The following ESCO1 variants were observed in gnomAD, a reference collection of about 807,000 sequenced individuals.
ESCO1 encodes N-acetyltransferase ESCO1.
ESCO1 carries 33 observed loss-of-function variants against 83.5 expected under a neutral mutation model. That is an observed-to-expected ratio of 0.40 (90% CI 0.30 to 0.53). The LOEUF is 0.53. ESCO1 is among the 20% of genes least tolerant of loss of function. The pLI is 0.63. For missense variants in ESCO1, 855 were observed against 968.0 expected, an observed-to-expected ratio of 0.88 and a Z score of 1.55; for synonymous variants, 332 against 324.3, an observed-to-expected ratio of 1.02 and a Z score of -0.25.
Position 21,574,583 on chromosome 18 carries a change from C to CTCACA in ESCO1, c.260_261insTGTGA (p.Thr89ArgfsTer2). On this transcript the variant is annotated frameshift_variant, in exon 4 of 12. Coordinates refer to ENST00000269214, the MANE Select transcript of ESCO1 (RefSeq NM_052911.3). LOFTEE classifies it high-confidence loss of function. ...CTTGTGAATATCCCCTCACAGTCAC[C>CTCACA]GTATTTTTATTAATGGATTTAGTAG... is the stretch of plus-strand genomic sequence containing the variant. The CTCACA allele has an allele frequency of 6.2e-7, 1 of 1,613,928 alleles. No individual in the cohort carries two copies. Among genetic ancestry groups the CTCACA allele is most frequent in the Non-Finnish European group, 8.5e-7 (1 of 1,179,966 alleles).
At chr18:21,571,274 G>A (rs2038338230) in intron 4 of ESCO1, among the ~76,000 whole-genome samples, 1 of 151,778 alleles carries the variant, frequency 6.6e-6, no homozygotes. Context: ...TGCAGCCTCC[G>A]CCTCCCAGGT....
intron 8 of ESCO1, 74 bp from the exon 9 acceptor site, chr18:21,540,083 C>A: frequency 3.2e-6 from 4 of 1,263,224 alleles, no homozygotes; most frequent in Non-Finnish European, 4.3e-6. Context: ...ATTATATCCA[C>A]GTACAAGATA....
chr18:21,587,265 T>TAC (rs1293063990), intron 1 of ESCO1, among the ~76,000 whole-genome samples: 3 of 152,190 alleles, frequency 2.0e-5, no homozygotes, highest in African/African-American at 7.2e-5. Context: ...ACTAAGGCAA[T>TAC]ACCAGCCTCA....
chr18:21,560,690 T>C (rs2038172307), intron 8 of ESCO1, among the ~76,000 whole-genome samples, 169 bp downstream of exon 8: 1 of 152,218 alleles, frequency 6.6e-6, no homozygotes, highest in Non-Finnish European at 1.5e-5. Flanking sequence ...GGTTTTTATG[T>C]TTGGCTTTGT....
intron 2 of ESCO1, among the ~76,000 whole-genome samples, chr18:21,577,361 T>TTA (rs1555671991): frequency 0.088 from 4,686 of 53,014 alleles, 265 homozygotes; most frequent in Non-Finnish European, 0.14. Flanking sequence ...CCATCTTTTT[T>TTA]AAAAAAAAAA....
At chr18:21,590,370 C>T (rs557010236) in intron 1 of ESCO1, among the ~76,000 whole-genome samples, 8 of 151,720 alleles carry the variant, frequency 5.3e-5, no homozygotes, top group Admixed American at 1.3e-4. Context: ...TACAGGCACG[C>T]GCCACCACAC....
At chr18:21,568,167 C>T in intron 4 of ESCO1, 73 bp from the exon 5 acceptor site, 1 of 1,128,206 alleles carries the variant, frequency 8.9e-7, no homozygotes, top group Non-Finnish European at 1.3e-6. Flanking sequence ...TAAATTTTAG[C>T]ATACTAAAAA....
chr18:21,593,405 C>G (rs1451139962), intron 1 of ESCO1: 2 of 156,368 alleles, frequency 1.3e-5, no homozygotes, highest in African/African-American at 4.8e-5. Context: ...CCAGCCAACA[C>G]AGCGAAACCC....
At chr18:21,591,199 G>A (rs577436153) in intron 1 of ESCO1, among the ~76,000 whole-genome samples, 1 of 152,304 alleles carries the variant, frequency 6.6e-6, no homozygotes, top group African/African-American at 2.4e-5. Flanking sequence ...TTGTAAGAGA[G>A]TGGCACAGAT....
intron 3 of ESCO1, 40 bp downstream of exon 3, chr18:21,575,632 G>A (rs1425806004): frequency 7.5e-6 from 3 of 398,142 alleles, no homozygotes; most frequent in Non-Finnish European, 8.9e-6. Context: ...CATAAGCATA[G>A]AATAGTTGAA....
intron 6 of ESCO1, among the ~76,000 whole-genome samples, chr18:21,565,348 T>C (rs1180099153): frequency 6.6e-6 from 1 of 152,202 alleles, no homozygotes; most frequent in Non-Finnish European, 1.5e-5. Flanking sequence ...GCTTTTAATC[T>C]TACTTAAACA....
At chr18:21,536,367 A>G (rs954131529) in intron 9 of ESCO1, among the ~76,000 whole-genome samples, 182 bp from the exon 10 acceptor site, 1 of 152,062 alleles carries the variant, frequency 6.6e-6, no homozygotes, top group Admixed American at 6.6e-5. Context: ...AGGCGGGTGG[A>G]TTGCCTGAGC....
At chr18:21,555,028 G>A (rs545952386) in intron 8 of ESCO1, among the ~76,000 whole-genome samples, 2 of 152,118 alleles carry the variant, frequency 1.3e-5, no homozygotes, top group African/African-American at 4.8e-5. Context: ...CCCGGGAAAC[G>A]GAGGTTGCAG....
chr18:21,580,943 T>C (rs9965284), intron 2 of ESCO1, among the ~76,000 whole-genome samples: 1,600 of 152,156 alleles, frequency 0.011, 34 homozygotes, highest in African/African-American at 0.036. Flanking sequence ...TAAGCTGAGA[T>C]CGCGCCATTG....
intron 8 of ESCO1, among the ~76,000 whole-genome samples, chr18:21,554,451 G>A (rs2038086841): frequency 6.6e-6 from 1 of 152,106 alleles, no homozygotes. Flanking sequence ...GCGCTAAAAA[G>A]AAACGGGCTT....
chr18:21,576,727 G>A lies in ESCO1; in HGVS notation c.-693-950C>T, dbSNP rs1241318362. On this transcript the variant is annotated intron_variant, in intron 2 of 11. Transcript: ENST00000269214. The stretch of plus-strand genomic sequence containing the variant: ...AATTGGCAGTATCAGACTCCATAGA[G>A]ATGCGGATGAAAATAGGACTCAAAA... Among the ~76,000 whole-genome samples the A allele has an allele frequency of 2.0e-5, 3 of 152,034 alleles. No homozygotes were observed. The East Asian group carries it at 5.8e-4, about 29-fold the overall frequency.
intron 8 of ESCO1, among the ~76,000 whole-genome samples, chr18:21,552,975 ATT>A (rs938903469): frequency 4.6e-5 from 7 of 152,350 alleles, no homozygotes; most frequent in African/African-American, 1.7e-4. Context: ...CTTCATTAAA[ATT>A]TAAAATGTCT....
At position 21,564,834 on chromosome 18, in the gene ESCO1, C is replaced by T. The variant is rs181321979; in HGVS notation, c.1707-517G>A. Among the ~76,000 whole-genome samples, 196 of 152,034 alleles carry T rather than the reference C, an allele frequency of 1.3e-3. 4 individuals are homozygous for T. The highest frequency in any genetic ancestry group is 1.9e-4 in the Non-Finnish European group (13 of 67,982). ...CAGCACTTTGAGAGGCCAAGGCAGG[C>T]AGATTGCCTGAGCTCAGGAGATCGC... is the stretch of plus-strand genomic sequence containing the variant. On this transcript the variant is annotated intron_variant, in intron 6 of 11. Transcript: ENST00000269214.
intron 8 of ESCO1, among the ~76,000 whole-genome samples, chr18:21,543,401 G>A (rs1373102835): frequency 1.3e-5 from 2 of 152,120 alleles, no homozygotes; most frequent in Non-Finnish European, 2.9e-5. Flanking sequence ...CAGGTGATCC[G>A]CCAGCCTTGG....
Sources: allele counts gnomAD v4.1 joint callset (sites outside exome capture counted in the v4.1 genomes callset), GRCh38; gene constraint gnomAD v4.1.1; transcripts MANE v1.5; gene names NCBI Gene and HGNC (gene_info 2026-07-23, HGNC 2026-07-21).